Variants in TNNI3K observed in about 807,000 individuals in gnomAD.
TNNI3K encodes the protein TNNI3 interacting kinase.
A neutral mutation model predicts 114.5 loss-of-function variants in TNNI3K; 140 were observed. The observed-to-expected ratio is 1.22, with a 90% CI of 1.07 to 1.41. The LOEUF (loss-of-function observed/expected upper bound fraction) is 1.41. TNNI3K is among the 40% of genes most tolerant of loss of function. The pLI is 0.00. For missense variants in TNNI3K, 1,125 were observed against 1,007.6 expected (o/e 1.12, Z -1.58); for synonymous variants, 347 against 347.5 (o/e 1.00, Z 0.02).
At chr1:74,417,968 A>C (rs1225137326) in intron 17 of TNNI3K, among the ~76,000 whole-genome samples, 1 of 152,070 alleles carries the variant, frequency 6.6e-6, no homozygotes, top group African/African-American at 2.4e-5. Context: ...TCTATTTCCA[A>C]TTTCAATGTC....
intron 11 of TNNI3K, among the ~76,000 whole-genome samples, chr1:74,366,225 CTGTT>C (rs1662264888): frequency 1.3e-5 from 2 of 152,026 alleles, no homozygotes; most frequent in Non-Finnish European, 2.9e-5. Flanking sequence ...ACAATAAGCT[CTGTT>C]GTATTTCACA....
At chr1:74,494,915 C>G (rs45449194) in intron 23 of TNNI3K, among the ~76,000 whole-genome samples, 1 of 152,222 alleles carries the variant, frequency 6.6e-6, no homozygotes, top group African/African-American at 2.4e-5. Flanking sequence ...TTACAATACA[C>G]GGAGAGCTAC....
At chr1:74,291,618 A>G (rs1459698253) in intron 5 of TNNI3K, among the ~76,000 whole-genome samples, 2 of 151,612 alleles carry the variant, frequency 1.3e-5, no homozygotes, top group African/African-American at 4.8e-5. Flanking sequence ...GACTGACTTC[A>G]TAGTCTGTGA....
At chr1:74,448,778 T>C (rs1431429549) in intron 20 of TNNI3K, among the ~76,000 whole-genome samples, 6 of 42,388 alleles carry the variant, frequency 1.4e-4, no homozygotes, top group African/African-American at 5.8e-4. Flanking sequence ...TTGATTTGCG[T>C]ATATTGAACC....
intron 5 of TNNI3K, among the ~76,000 whole-genome samples, chr1:74,282,567 T>G (rs1343688396): frequency 3.9e-5 from 6 of 152,174 alleles, no homozygotes; most frequent in South Asian, 2.1e-4. Context: ...CTTCAAAGGC[T>G]CTATTTGTAA....
chr1:74,505,702 C>A (rs1316215993), intron 23 of TNNI3K, among the ~76,000 whole-genome samples: 1 of 152,148 alleles, frequency 6.6e-6, no homozygotes, highest in Non-Finnish European at 1.5e-5. Context: ...GTTGTCATTT[C>A]TCATTATCTC....
At chr1:74,276,595 T>C (rs1656700935) in intron 5 of TNNI3K, among the ~76,000 whole-genome samples, 1 of 152,092 alleles carries the variant, frequency 6.6e-6, no homozygotes, top group Non-Finnish European at 1.5e-5. Context: ...TATTTTTTAT[T>C]ATCATGGTTA....
intron 5 of TNNI3K, among the ~76,000 whole-genome samples, chr1:74,303,268 A>C (rs565685393): frequency 1.3e-5 from 2 of 152,078 alleles, no homozygotes; most frequent in African/African-American, 4.8e-5. Flanking sequence ...ATCTTGGCTC[A>C]CTGCAACCTC....
intron 5 of TNNI3K, among the ~76,000 whole-genome samples, chr1:74,314,708 A>T (rs1390620991): frequency 6.6e-6 from 1 of 152,186 alleles, no homozygotes; most frequent in Admixed American, 6.5e-5. Flanking sequence ...GATCAAAGTC[A>T]TAATAAAATG....
At position 74,436,075 on chromosome 1, in the gene TNNI3K, T is replaced by TTTTC; in HGVS notation, c.1773-5_1773-4insTTTC. On this transcript the variant is annotated splice_region_variant and splice_polypyrimidine_tract_variant and intron_variant, in intron 17 of 24. Coordinates refer to ENST00000326637, the MANE Select transcript of TNNI3K (RefSeq NM_015978.3). Reference sequence around the variant, plus strand: ...GTCTACTTTTTTTTTTTTTTTTTTTTACAGTCACAATATTCTTCTCTATGA... The same window carrying TTTTC: ...GTCTACTTTTTTTTTTTTTTTTTTTTTTTCACAGTCACAATATTCTTCTCTATGA... 1 of 1,541,132 alleles carries TTTTC rather than the reference T, an allele frequency of 6.5e-7. No homozygotes were observed. Among genetic ancestry groups the TTTTC allele is most frequent in the South Asian group, 1.2e-5 (1 of 82,692 alleles).
chr1:74,355,251 A>G (rs924839133), intron 11 of TNNI3K, among the ~76,000 whole-genome samples: 10 of 152,232 alleles, frequency 6.6e-5, no homozygotes, highest in Non-Finnish European at 4.4e-5. Flanking sequence ...ACTGAAAATA[A>G]CAATTATTAA....
intron 5 of TNNI3K, among the ~76,000 whole-genome samples, chr1:74,290,074 G>A (rs1052688208): frequency 1.3e-5 from 2 of 151,752 alleles, no homozygotes; most frequent in Admixed American, 1.3e-4. Flanking sequence ...AACCTCCTGT[G>A]AATGAGGCAA....
intron 2 of TNNI3K, among the ~76,000 whole-genome samples, chr1:74,247,462 G>A (rs999132140): frequency 2.6e-5 from 4 of 152,152 alleles, no homozygotes; most frequent in African/African-American, 4.8e-5. Flanking sequence ...AAGCTCCCAC[G>A]GTATGAAAGG....
intron 17 of TNNI3K, chr1:74,374,279 A>G (rs1296575388): frequency 6.6e-6 from 1 of 151,948 alleles, no homozygotes; most frequent in Non-Finnish European, 1.5e-5. Flanking sequence ...TTTTCAATGT[A>G]AATGATGATA....
At chr1:74,539,035 A>T (rs555220517) in intron 23 of TNNI3K, among the ~76,000 whole-genome samples, 1 of 152,310 alleles carries the variant, frequency 6.6e-6, no homozygotes, top group Admixed American at 6.5e-5. Context: ...ACCCTAGATA[A>T]TATACAAAGA....
chr1:74,409,369 T>A (rs550610019), intron 17 of TNNI3K, among the ~76,000 whole-genome samples: 14 of 152,332 alleles, frequency 9.2e-5, no homozygotes, highest in African/African-American at 3.1e-4. Flanking sequence ...GCTACCTTTT[T>A]TTGAGGTTAT....
At chr1:74,360,646 C>T (rs534141674) in intron 11 of TNNI3K, among the ~76,000 whole-genome samples, 1 of 152,162 alleles carries the variant, frequency 6.6e-6, no homozygotes, top group African/African-American at 2.4e-5. Flanking sequence ...TTTATGTCCT[C>T]TCTGTCCTCT....
chr1:74,294,721 C>T (rs897007559), intron 5 of TNNI3K, among the ~76,000 whole-genome samples: 1 of 152,000 alleles, frequency 6.6e-6, no homozygotes. Context: ...ATTTAATGAT[C>T]TGCAATAATG....
intron 17 of TNNI3K, among the ~76,000 whole-genome samples, chr1:74,416,720 G>A (rs972552452): frequency 2.6e-5 from 4 of 151,316 alleles, no homozygotes; most frequent in Non-Finnish European, 4.4e-5. Flanking sequence ...ATTTTTGCCC[G>A]TACGATTTAA....
Sources: gnomAD v4.1 joint callset for allele counts (sites outside exome capture counted in the v4.1 genomes callset) on GRCh38, gnomAD v4.1.1 for gene constraint, MANE v1.5 for transcripts, NCBI Gene and HGNC (gene_info 2026-07-23, HGNC 2026-07-21) for gene names.